Variants in EBF1 observed in about 807,000 individuals in gnomAD.
EBF1 encodes EBF transcription factor 1.
A neutral mutation model predicts 68.4 loss-of-function variants in EBF1; 10 were observed. That is an observed-to-expected ratio of 0.15 (90% CI 0.09 to 0.25). EBF1 has a LOEUF of 0.25. Ranked by LOEUF, EBF1 falls within the 10% of genes least tolerant of loss-of-function variation. EBF1 has a pLI of 1.00. For missense variants in EBF1, 509 were observed against 794.4 expected (o/e 0.64, Z 4.32); for synonymous variants, 298 against 299.8 (o/e 0.99, Z 0.06).
chr5:159,083,115 G>T (rs939127872), intron 5 of EBF1, among the ~76,000 whole-genome samples: 1 of 152,188 alleles, frequency 6.6e-6, no homozygotes, highest in African/African-American at 2.4e-5. Flanking sequence ...TATTGGTTGA[G>T]ATCCATCTTC....
chr5:158,864,477 A>T (rs756553517), intron 6 of EBF1, among the ~76,000 whole-genome samples: 6 of 152,146 alleles, frequency 3.9e-5, no homozygotes, highest in Admixed American at 6.5e-5. Flanking sequence ...GAAGGGATCC[A>T]TTCCGCAGTG....
intron 6 of EBF1, among the ~76,000 whole-genome samples, chr5:159,050,907 A>G (rs550878325): frequency 6.6e-6 from 1 of 152,322 alleles, no homozygotes; most frequent in Admixed American, 6.5e-5. Flanking sequence ...CCTTTGACAC[A>G]TAATTGGTAG....
At chr5:158,790,948 G>A (rs936369039) in intron 9 of EBF1, among the ~76,000 whole-genome samples, 14 of 152,142 alleles carry the variant, frequency 9.2e-5, no homozygotes, top group Non-Finnish European at 1.6e-4. Flanking sequence ...GAACAATAGT[G>A]GAAGAAAAGG....
rs570158381 is a variant in EBF1 at position 158,824,477 on chromosome 5, G to A, written c.637-1160C>T. 2.0e-4 allele frequency among the ~76,000 whole-genome samples: 31 copies of A among 152,342 alleles called. No homozygotes were observed. In the South Asian group the frequency reaches 5.4e-3, roughly 26 times the overall value. Reference sequence around the variant, plus strand: ...AATAGATCTGCTCTCATAATGAGGCGAGCCTCCAGAGCGAAGGCTGAGGAT... The same window carrying A: ...AATAGATCTGCTCTCATAATGAGGCAAGCCTCCAGAGCGAAGGCTGAGGAT... On this transcript the variant is annotated intron_variant, in intron 7 of 15. Coordinates refer to ENST00000313708, the MANE Select transcript of EBF1 (RefSeq NM_024007.5).
At chr5:158,712,087 C>T (rs930116747) in intron 14 of EBF1, 67 bp downstream of exon 14, 33 of 1,575,800 alleles carry the variant, frequency 2.1e-5, no homozygotes, top group Non-Finnish European at 2.6e-5. Flanking sequence ...CCCACTGGGC[C>T]ACATGGCATG....
At position 158,697,988 on chromosome 5, in the gene EBF1, C is replaced by T. The variant is rs1440754192; in HGVS notation, c.*1123G>A. 1 of 211,934 alleles carries T rather than the reference C, an allele frequency of 4.7e-6. No individual in the cohort carries two copies. The highest frequency in any genetic ancestry group is 9.6e-6 in the Non-Finnish European group (1 of 104,676). 13.1% of individuals were successfully genotyped at this position (211,934 alleles called of 1,614,324 possible). A position where few individuals can be genotyped will look rare whatever the true frequency, so the allele number is the denominator to read the frequency against. On this transcript the variant is annotated 3_prime_UTR_variant, in exon 16 of 16. Transcript: ENST00000313708. The stretch of plus-strand genomic sequence containing the variant: ...CCCCGGTTCCCTTTAACTCTTAATT[C>T]CAAAGCACTTAACCTGTTGTTTCAA...
At chr5:159,030,193 A>G (rs1768494756) in intron 6 of EBF1, among the ~76,000 whole-genome samples, 1 of 152,284 alleles carries the variant, frequency 6.6e-6, no homozygotes, top group Middle Eastern at 3.4e-3. Context: ...TTTAAAATGT[A>G]GAAGTGCACA....
intron 7 of EBF1, among the ~76,000 whole-genome samples, 178 bp from the exon 8 acceptor site, chr5:158,823,495 G>C (rs1183931830): frequency 1.3e-5 from 2 of 152,198 alleles, no homozygotes; most frequent in East Asian, 1.9e-4. Flanking sequence ...GTGGGTCTTT[G>C]GCATGGAACG....
chr5:158,755,940 A>G (rs1769979249), intron 10 of EBF1, among the ~76,000 whole-genome samples: 1 of 152,200 alleles, frequency 6.6e-6, no homozygotes, highest in African/African-American at 2.4e-5. Flanking sequence ...TCCTATTGAA[A>G]AAAAGAAAGT....
intron 6 of EBF1, among the ~76,000 whole-genome samples, chr5:158,916,528 C>T (rs1283642618): frequency 1.3e-5 from 2 of 152,066 alleles, no homozygotes; most frequent in Non-Finnish European, 2.9e-5. Flanking sequence ...CTTAAGGTGG[C>T]CCTGGAAGTA....
At chr5:159,056,984 C>T (rs1022738429) in intron 6 of EBF1, among the ~76,000 whole-genome samples, 1 of 151,878 alleles carries the variant, frequency 6.6e-6, no homozygotes. Context: ...TATGAACAAG[C>T]ACAGTTGCAA....
At chr5:158,924,791 T>C (rs1397390378) in intron 6 of EBF1, among the ~76,000 whole-genome samples, 1 of 139,146 alleles carries the variant, frequency 7.2e-6, no homozygotes, top group Non-Finnish European at 1.5e-5. Flanking sequence ...AGGCGCAGCT[T>C]GTGGTGAGCC....
At chr5:158,942,401 A>G (rs1813616601) in intron 6 of EBF1, among the ~76,000 whole-genome samples, 1 of 152,240 alleles carries the variant, frequency 6.6e-6, no homozygotes, top group Non-Finnish European at 1.5e-5. Context: ...CAGCTATTTT[A>G]GCTTTACAAA....
intron 5 of EBF1, among the ~76,000 whole-genome samples, chr5:159,074,142 T>C (rs1233902700): frequency 1.3e-5 from 2 of 152,178 alleles, no homozygotes; most frequent in African/African-American, 4.8e-5. Context: ...GGGGGCATTA[T>C]GGACATTGGA....
chr5:158,723,121 G>A (rs943994900), intron 11 of EBF1, among the ~76,000 whole-genome samples: 1 of 152,144 alleles, frequency 6.6e-6, no homozygotes, highest in African/African-American at 2.4e-5. Flanking sequence ...GCTAAAGAGG[G>A]AAAGCATGGT....
At chr5:158,927,556 G>A (rs1449492142) in intron 6 of EBF1, among the ~76,000 whole-genome samples, 2 of 152,146 alleles carry the variant, frequency 1.3e-5, no homozygotes, top group Non-Finnish European at 1.5e-5. Context: ...AATTAAAGTG[G>A]CTTCAAAAAA....
chr5:158,876,121 A>G (rs1409756015), intron 6 of EBF1, among the ~76,000 whole-genome samples: 1 of 152,194 alleles, frequency 6.6e-6, no homozygotes, highest in Non-Finnish European at 1.5e-5. Context: ...TCGGTATCAC[A>G]TGACTAGTTG....
chr5:158,741,726 C>T (rs1035478688), intron 10 of EBF1, among the ~76,000 whole-genome samples: 14 of 152,058 alleles, frequency 9.2e-5, no homozygotes, highest in Non-Finnish European at 1.9e-4. Flanking sequence ...TGTAGGGACA[C>T]CTTGGTTGAT....
chr5:158,868,937 G>A (rs907336601), intron 6 of EBF1, among the ~76,000 whole-genome samples: 6 of 152,148 alleles, frequency 3.9e-5, no homozygotes, highest in South Asian at 2.1e-4. Flanking sequence ...AACAGCAATC[G>A]AAGGAGGTTT....
Sources: gnomAD v4.1 joint callset for allele counts (sites outside exome capture counted in the v4.1 genomes callset) on GRCh38, gnomAD v4.1.1 for gene constraint, MANE v1.5 for transcripts, NCBI Gene and HGNC (gene_info 2026-07-23, HGNC 2026-07-21) for gene names.